The following FILIP1L variants were observed in gnomAD, a reference collection of about 807,000 sequenced individuals.
FILIP1L encodes the protein filamin A-interacting protein 1-like.
In FILIP1L, 55 loss-of-function variants were observed where a neutral mutation model predicts 96.6. The ratio of observed to expected loss-of-function variants is 0.57; its 90% CI spans 0.46 to 0.71. The LOEUF is 0.71. Among genes scored for constraint, FILIP1L ranks in the 30% least tolerant of loss-of-function variants. FILIP1L has a pLI of 0.00. For synonymous variants in FILIP1L, 467 were observed against 473.9 expected (o/e 0.99, Z 0.19); for missense variants, 1,304 against 1,321.2 (o/e 0.99, Z 0.20).
intron 1 of FILIP1L, among the ~76,000 whole-genome samples, chr3:100,086,481 C>T (rs2107418910): frequency 6.6e-6 from 1 of 152,292 alleles, no homozygotes; most frequent in East Asian, 1.9e-4. Context: ...TACCTAACTC[C>T]TAGTTGATAC....
chr3:100,020,357 G>A (rs2064785846), intron 1 of FILIP1L, among the ~76,000 whole-genome samples: 1 of 152,186 alleles, frequency 6.6e-6, no homozygotes, highest in South Asian at 2.1e-4. Context: ...ACCAGAAGTT[G>A]CAAGTTCCCC....
intron 1 of FILIP1L, among the ~76,000 whole-genome samples, chr3:100,103,639 G>C (rs1006900171): frequency 2.0e-5 from 3 of 152,186 alleles, no homozygotes; most frequent in African/African-American, 7.2e-5. Flanking sequence ...ATGGAGGAGA[G>C]AATATTGGTT....
At chr3:100,107,877 TAAAAAAA>T (rs11322494) in intron 1 of FILIP1L, among the ~76,000 whole-genome samples, 1 of 130,060 alleles carries the variant, frequency 7.7e-6, no homozygotes, top group African/African-American at 2.9e-5. Flanking sequence ...GCAAGAGAAT[TAAAAAAA>T]AAAAAAAAAA....
At chr3:99,925,789 G>C (rs1707274382) in intron 3 of FILIP1L, 1 of 922,056 alleles carries the variant, frequency 1.1e-6, no homozygotes, top group South Asian at 5.0e-5. Flanking sequence ...GGAAGAACCA[G>C]GCAGTAAAGA....
At chr3:100,091,814 TCTC>T (rs1458963680) in intron 1 of FILIP1L, among the ~76,000 whole-genome samples, 3 of 152,232 alleles carry the variant, frequency 2.0e-5, no homozygotes, top group Admixed American at 2.0e-4. Flanking sequence ...TTGCTCAGCG[TCTC>T]CTCTCGTGAT....
At chr3:99,918,340 C>A (rs1243646425) in intron 4 of FILIP1L, among the ~76,000 whole-genome samples, 1 of 152,154 alleles carries the variant, frequency 6.6e-6, no homozygotes, top group African/African-American at 2.4e-5. Context: ...TTATACATAG[C>A]TGCAGATCAG....
intron 1 of FILIP1L, among the ~76,000 whole-genome samples, chr3:100,014,660 G>T (rs191450882): frequency 6.6e-6 from 1 of 151,798 alleles, no homozygotes; most frequent in Non-Finnish European, 1.5e-5. Flanking sequence ...GTCTTTTCAG[G>T]TTCATTTTTA....
intron 1 of FILIP1L, among the ~76,000 whole-genome samples, chr3:99,975,007 C>G (rs1002115923): frequency 2.0e-5 from 3 of 152,080 alleles, no homozygotes; most frequent in African/African-American, 7.2e-5. Context: ...ACATTTATGA[C>G]AAAAGATCAA....
At chr3:99,920,355 C>G (rs562492050) in intron 4 of FILIP1L, among the ~76,000 whole-genome samples, 1 of 152,142 alleles carries the variant, frequency 6.6e-6, no homozygotes, top group East Asian at 1.9e-4. Context: ...TGGCATTTCA[C>G]TTATGGGAAA....
intron 1 of FILIP1L, among the ~76,000 whole-genome samples, chr3:100,016,090 T>C (rs1313084240): frequency 1.3e-5 from 2 of 152,220 alleles, no homozygotes; most frequent in Non-Finnish European, 2.9e-5. Flanking sequence ...TTTCAGCAAG[T>C]GTGATGATCC....
At chr3:100,104,828 G>A (rs565668900) in intron 1 of FILIP1L, among the ~76,000 whole-genome samples, 42 of 152,290 alleles carry the variant, frequency 2.8e-4, no homozygotes, top group South Asian at 8.3e-4. Context: ...AAAACTGGCT[G>A]AGAATCACCA....
In FILIP1L at chr3:99,840,903, T is replaced by C. The variant is rs1466338405; in HGVS notation, c.3381+7392A>G. Among the ~76,000 whole-genome samples the C allele has an allele frequency of 2.0e-5, 3 of 152,262 alleles. No individual in the cohort carries two copies. The East Asian group carries it at 5.8e-4, about 29-fold the overall frequency. On this transcript the variant is annotated intron_variant, in intron 5 of 5. Transcript: ENST00000477258. ...CTTAACTGAGGCTTTGTTAATCTAC[T>C]GTGGTCTTCCTTAATCTCCAGTTTA...
At chr3:100,113,417 G>C (rs2066523214) in intron 1 of FILIP1L, among the ~76,000 whole-genome samples, 1 of 152,178 alleles carries the variant, frequency 6.6e-6, no homozygotes, top group African/African-American at 2.4e-5. Flanking sequence ...ACAAGTTCTT[G>C]ATAGGTATCT....
chr3:100,070,436 G>T (rs1247895458), intron 1 of FILIP1L, among the ~76,000 whole-genome samples: 2 of 112,682 alleles, frequency 1.8e-5, no homozygotes, highest in Admixed American at 1.8e-4. Context: ...CTTAGGACTT[G>T]AATATTAAAT....
At chr3:99,943,980 A>G (rs1297911471) in intron 1 of FILIP1L, among the ~76,000 whole-genome samples, 2 of 152,242 alleles carry the variant, frequency 1.3e-5, no homozygotes, top group East Asian at 1.9e-4. Flanking sequence ...TACCTAGAAC[A>G]TGATAGGAAC....
intron 4 of FILIP1L, among the ~76,000 whole-genome samples, chr3:99,909,893 C>G (rs1466863855): frequency 6.6e-6 from 1 of 151,982 alleles, no homozygotes; most frequent in Non-Finnish European, 1.5e-5. Flanking sequence ...TTGAGTGAAC[C>G]CTTCATATTC....
intron 4 of FILIP1L, among the ~76,000 whole-genome samples, chr3:99,857,881 CTT>C (rs1944048421): frequency 6.6e-6 from 1 of 152,148 alleles, no homozygotes; most frequent in South Asian, 2.1e-4. Context: ...TATGGCAAGA[CTT>C]TTATTCATTT....
chr3:99,893,048 A>T (rs972458826), intron 4 of FILIP1L, among the ~76,000 whole-genome samples: 1 of 151,764 alleles, frequency 6.6e-6, no homozygotes, highest in Non-Finnish European at 1.5e-5. Flanking sequence ...TGCAAGCATG[A>T]TGCTCTGTGT....
intron 1 of FILIP1L, among the ~76,000 whole-genome samples, chr3:100,099,882 T>A (rs1188713569): frequency 6.6e-6 from 1 of 152,180 alleles, no homozygotes; most frequent in Non-Finnish European, 1.5e-5. Context: ...GGAACTGAGT[T>A]GCTGAGAGTG....
Sources: allele counts gnomAD v4.1 joint callset (sites outside exome capture counted in the v4.1 genomes callset), GRCh38; gene constraint gnomAD v4.1.1; transcripts MANE v1.5; gene names NCBI Gene and HGNC (gene_info 2026-07-23, HGNC 2026-07-21).